KHDRBS2: variants seen among roughly 807,000 people sequenced by gnomAD.
The protein encoded by KHDRBS2 is KH RNA binding domain containing, signal transduction associated 2, also known as KH domain-containing, RNA-binding, signal transduction-associated protein 2.
KHDRBS2 carries 26 observed loss-of-function variants against 44.3 expected under a neutral mutation model. That is an observed-to-expected ratio of 0.59 (90% CI 0.43 to 0.81). The LOEUF (loss-of-function observed/expected upper bound fraction) is 0.81, where lower values mean the gene tolerates loss of function less well. Ranked by LOEUF, KHDRBS2 falls within the 40% of genes least tolerant of loss-of-function variation. The pLI is 0.00. For missense variants in KHDRBS2, 476 were observed against 433.1 expected (o/e 1.10, Z -0.88); for synonymous variants, 194 against 151.1 (o/e 1.28, Z -2.08).
At chr6:61,551,882 T>C in the KHDRBS2 span, among the ~76,000 whole-genome samples, 1 of 152,166 alleles carries the variant, frequency 6.6e-6, no homozygotes, top group African/African-American at 2.4e-5. Flanking sequence ...TAAATTAGTT[T>C]TTTCCTAATT....
chr6:61,766,591 C>T (rs181262586), intron 6 of KHDRBS2, among the ~76,000 whole-genome samples: 2 of 151,992 alleles, frequency 1.3e-5, no homozygotes, highest in East Asian at 3.9e-4. Context: ...TTGATGTAGG[C>T]ATATATAGCT....
At chr6:61,597,773 T>TATATATATATATATAGATATAC in the KHDRBS2 span, among the ~76,000 whole-genome samples, 1 of 42,330 alleles carries the variant, frequency 2.4e-5, no homozygotes, top group African/African-American at 8.6e-5. Flanking sequence ...TATATATATA[T>TATATATATATATATAGATATAC]ACACCAAGAT....
At chr6:62,045,472 C>T (rs1232847615) in intron 3 of KHDRBS2, among the ~76,000 whole-genome samples, 2 of 151,956 alleles carry the variant, frequency 1.3e-5, no homozygotes, top group Non-Finnish European at 2.9e-5. Context: ...CTTTTCCCTG[C>T]TTCTGTTTCA....
chr6:61,636,284 G>A, the KHDRBS2 span, among the ~76,000 whole-genome samples: 20 of 152,010 alleles, frequency 1.3e-4, no homozygotes, highest in African/African-American at 3.9e-4. Context: ...TCTATTTACT[G>A]TATCAGGTTT....
the KHDRBS2 span, among the ~76,000 whole-genome samples, chr6:61,598,712 A>T: frequency 6.6e-6 from 1 of 152,274 alleles, no homozygotes; most frequent in African/African-American, 2.4e-5. Context: ...GTAGAAGTTT[A>T]CATTTCAAAG....
At chr6:62,256,061 G>A (rs942678738) in intron 1 of KHDRBS2, among the ~76,000 whole-genome samples, 1 of 151,806 alleles carries the variant, frequency 6.6e-6, no homozygotes, top group Admixed American at 6.6e-5. Flanking sequence ...CTTGAACCTG[G>A]GAGGCAGAGG....
chr6:62,237,895 T>C lies in KHDRBS2; in HGVS notation c.91+47963A>G, dbSNP rs530788415. On this transcript the variant is annotated intron_variant, in intron 1 of 8. Coordinates refer to ENST00000281156, the MANE Select transcript of KHDRBS2 (RefSeq NM_152688.4). ...CTCTACTAAAGATAAAAAAATTAGC[T>C]GGGCGTGGTGGTGCATGCCTGTAAT... Among the ~76,000 whole-genome samples the C allele has an allele frequency of 2.0e-4, 31 of 152,000 alleles. No homozygotes were observed. In the South Asian group the frequency reaches 6.4e-3, roughly 32 times the overall value.
the KHDRBS2 span, among the ~76,000 whole-genome samples, chr6:61,644,636 A>C: frequency 3.3e-5 from 5 of 152,340 alleles, no homozygotes; most frequent in South Asian, 6.2e-4. Flanking sequence ...CCCTTTAAAA[A>C]GTAGGCAAAA....
intron 2 of KHDRBS2, among the ~76,000 whole-genome samples, chr6:62,080,999 C>T (rs1023277069): frequency 2.0e-5 from 3 of 152,130 alleles, no homozygotes; most frequent in Non-Finnish European, 4.4e-5. Flanking sequence ...CCTGGAAGCA[C>T]ATCATCATTT....
Position 62,014,347 on chromosome 6 carries a change from TA to T in KHDRBS2, c.336+33530del, listed in dbSNP as rs534053713. On this transcript the variant is annotated intron_variant, in intron 3 of 8. Coordinates refer to ENST00000281156, the MANE Select transcript of KHDRBS2 (RefSeq NM_152688.4). ...ATCTTGCTTTATGTCCTCTTAGGGA[TA>T]AAAAAGTGTTTTCTTTCTGGTTTTT... Among the ~76,000 whole-genome samples, 393 of 152,252 alleles carry T rather than the reference TA, an allele frequency of 2.6e-3. 1 individual carries two copies. The highest frequency in any genetic ancestry group is 0.014 in the Middle Eastern group (4 of 294).
chr6:61,674,058 T>C, the KHDRBS2 span, among the ~76,000 whole-genome samples: 5 of 151,812 alleles, frequency 3.3e-5, no homozygotes, highest in African/African-American at 1.2e-4. Context: ...TTCATGCTTA[T>C]TTAATCATGT....
intron 2 of KHDRBS2, among the ~76,000 whole-genome samples, chr6:62,115,267 G>C (rs1385558425): frequency 6.6e-6 from 1 of 152,076 alleles, no homozygotes; most frequent in East Asian, 1.9e-4. Flanking sequence ...CCATACATAA[G>C]AGCCAAAAAA....
At chr6:62,097,010 T>C (rs1175918610) in intron 2 of KHDRBS2, among the ~76,000 whole-genome samples, 1 of 151,932 alleles carries the variant, frequency 6.6e-6, no homozygotes, top group Non-Finnish European at 1.5e-5. Flanking sequence ...GTCAGAAGCA[T>C]GTTTTTAAAT....
At chr6:62,224,529 A>C in intron 1 of KHDRBS2, among the ~76,000 whole-genome samples, 1 of 152,214 alleles carries the variant, frequency 6.6e-6, no homozygotes, top group East Asian at 1.9e-4. Flanking sequence ...AACACTGGTT[A>C]TGTAGGACTT....
chr6:61,608,054 C>A, the KHDRBS2 span, among the ~76,000 whole-genome samples: 1 of 152,116 alleles, frequency 6.6e-6, no homozygotes, highest in South Asian at 2.1e-4. Flanking sequence ...TGCAATTCCT[C>A]CCTAAATCCC....
chr6:61,759,244 C>G (rs1177337061), intron 6 of KHDRBS2, among the ~76,000 whole-genome samples: 1 of 152,076 alleles, frequency 6.6e-6, no homozygotes, highest in East Asian at 1.9e-4. Context: ...ATGAGAGATA[C>G]TGATCCATGA....
intron 4 of KHDRBS2, among the ~76,000 whole-genome samples, chr6:61,911,375 AG>A (rs373663789): frequency 1.4e-4 from 21 of 152,200 alleles, no homozygotes; most frequent in African/African-American, 4.1e-4. Flanking sequence ...GTTCTGATCC[AG>A]GGGAGTTAAA....
chr6:62,158,395 T>C (rs994896151), intron 2 of KHDRBS2, among the ~76,000 whole-genome samples: 7 of 152,202 alleles, frequency 4.6e-5, no homozygotes, highest in African/African-American at 1.4e-4. Context: ...TATATTCATG[T>C]TGAAGCTGAA....
chr6:62,170,603 C>T (rs1244593299), intron 2 of KHDRBS2, among the ~76,000 whole-genome samples: 2 of 152,124 alleles, frequency 1.3e-5, no homozygotes, highest in African/African-American at 4.8e-5. Flanking sequence ...GATATCCCAG[C>T]CAACACATGT....
Sources: gnomAD v4.1 joint callset for allele counts (sites outside exome capture counted in the v4.1 genomes callset) on GRCh38, gnomAD v4.1.1 for gene constraint, MANE v1.5 for transcripts, NCBI Gene and HGNC (gene_info 2026-07-23, HGNC 2026-07-21) for gene names.